Variants in PCDHGA8 observed in about 807,000 individuals in gnomAD.
The protein encoded by PCDHGA8 is protocadherin gamma-A8.
PCDHGA8 carries 45 observed loss-of-function variants against 59.2 expected under a neutral mutation model. The observed-to-expected ratio is 0.76, with a 90% CI of 0.60 to 0.98. PCDHGA8 has a LOEUF of 0.98. Among genes scored for constraint, PCDHGA8 ranks in the 50% least tolerant of loss-of-function variants. The probability of loss-of-function intolerance (pLI) is 0.00; values close to 1 mark genes in which losing one functional copy is unlikely to be tolerated. For synonymous variants in PCDHGA8, 531 were observed against 519.0 expected (o/e 1.02, Z -0.32); for missense variants, 1,257 against 1,196.2 (o/e 1.05, Z -0.75).
At chr5:141,409,531 T>C (rs2095279232) in intron 1 of PCDHGA8, 1 of 1,613,870 alleles carries the variant, frequency 6.2e-7, no homozygotes, top group Non-Finnish European at 8.5e-7. Context: ...TGTATGTCGC[T>C]GACATCAACG....
At chr5:141,408,623 G>C in intron 1 of PCDHGA8, 1 of 1,614,004 alleles carries the variant, frequency 6.2e-7, no homozygotes, top group Non-Finnish European at 8.5e-7. Flanking sequence ...AATACATTTA[G>C]AAATTTTCGA....
chr5:141,436,277 T>G (rs2097806022), intron 1 of PCDHGA8, among the ~76,000 whole-genome samples: 1 of 152,194 alleles, frequency 6.6e-6, no homozygotes, highest in Non-Finnish European at 1.5e-5. Flanking sequence ...TAACTTGATT[T>G]AGGAACAAAT....
At chr5:141,472,411 C>T (rs747412647) in intron 1 of PCDHGA8, among the ~76,000 whole-genome samples, 9 of 151,918 alleles carry the variant, frequency 5.9e-5, no homozygotes, top group Admixed American at 3.3e-4. Flanking sequence ...CGTGGTGGCA[C>T]GCACCTGTAT....
intron 1 of PCDHGA8, among the ~76,000 whole-genome samples, chr5:141,480,098 T>C (rs1415853757): frequency 6.6e-6 from 1 of 152,168 alleles, no homozygotes. Context: ...GTATGCAAAG[T>C]GTTTAGCATG....
Position 141,490,563 on chromosome 5 carries a change from G to C in PCDHGA8, c.2425-4244G>C. On this transcript the variant is annotated intron_variant, in intron 1 of 3. Coordinates refer to ENST00000398604, the MANE Select transcript of PCDHGA8 (RefSeq NM_032088.2). This position sits in a 1 kb window ranked among gnomAD's most constrained non-coding sequence, Gnocchi z 5.4. ...CCCTACACAAACATCTCACCATCAG[G>C]CTCAACATTTCAGATGTCAATGACA... 1 of 1,614,022 alleles carries C rather than the reference G, an allele frequency of 6.2e-7. No individual in the cohort carries two copies. Among genetic ancestry groups the C allele is most frequent in the Non-Finnish European group, 8.5e-7 (1 of 1,180,008 alleles).
At chr5:141,423,529 C>T in intron 1 of PCDHGA8, 1 of 1,613,754 alleles carries the variant, frequency 6.2e-7, no homozygotes, top group South Asian at 1.1e-5. Flanking sequence ...GCAGAAGAGT[C>T]ACCTGATTTT....
intron 1 of PCDHGA8, chr5:141,399,431 T>A (rs757950073): frequency 3.1e-6 from 5 of 1,613,970 alleles, no homozygotes; most frequent in Admixed American, 3.3e-5. Context: ...ATAAGCGTCA[T>A]CCTACATATC....
At chr5:141,467,728 C>A (rs2099150053) in intron 1 of PCDHGA8, among the ~76,000 whole-genome samples, 1 of 152,058 alleles carries the variant, frequency 6.6e-6, no homozygotes, top group Admixed American at 6.5e-5. Context: ...GTGGCACAAT[C>A]CCAGCTCGCT....
At chr5:141,398,980 G>T in intron 1 of PCDHGA8, 1 of 1,613,860 alleles carries the variant, frequency 6.2e-7, no homozygotes, top group Non-Finnish European at 8.5e-7. Context: ...CTACAGAACC[G>T]GGCAAATCTT....
At chr5:141,482,371 T>C (rs1191880709) in intron 1 of PCDHGA8, among the ~76,000 whole-genome samples, 2 of 152,100 alleles carry the variant, frequency 1.3e-5, no homozygotes, top group African/African-American at 2.4e-5. Flanking sequence ...AAGTAATGCA[T>C]ATAAAGTCCC....
At chr5:141,482,530 CAAAAAAAAA>C (rs3074545) in intron 1 of PCDHGA8, among the ~76,000 whole-genome samples, 16 of 76,560 alleles carry the variant, frequency 2.1e-4, no homozygotes, top group African/African-American at 7.7e-4. Context: ...GACAGACATG[CAAAAAAAAA>C]AAAAAAAAAA....
intron 1 of PCDHGA8, among the ~76,000 whole-genome samples, chr5:141,406,174 G>A (rs990967391): frequency 2.6e-5 from 4 of 151,264 alleles, no homozygotes; most frequent in African/African-American, 9.7e-5. Flanking sequence ...CTGGGCTTAT[G>A]CAATCCTCCC....
Position 141,417,943 on chromosome 5 carries a change from G to C in PCDHGA8, c.2424+22706G>C, listed in dbSNP as rs772925118. ...TGCTGCTGCCTTTGTTCTACCCCAC[G>C]CTGTGTGAGCCGATCCGCTACTCGA... is the stretch of plus-strand genomic sequence containing the variant. On this transcript the variant is annotated intron_variant, in intron 1 of 3. Coordinates refer to ENST00000398604, the MANE Select transcript of PCDHGA8 (RefSeq NM_032088.2). The C allele has an allele frequency of 4.1e-5, 66 of 1,613,160 alleles. 1 individual carries two copies. The highest frequency in any genetic ancestry group is 1.8e-4 in the East Asian group (8 of 44,850).
chr5:141,491,080 A>T lies in PCDHGA8; in HGVS notation c.2425-3727A>T. On this transcript the variant is annotated intron_variant, in intron 1 of 3. Transcript: ENST00000398604. This position sits in a 1 kb window ranked among gnomAD's most constrained non-coding sequence, Gnocchi z 6.9. ...CTCCTACTCACTGTTGCCACAGTCC[A>T]CAGCCCCAGGACTGTTCCTCGTGTC... The T allele has an allele frequency of 6.2e-7, 1 of 1,614,116 alleles. No individual in the cohort carries two copies. Among genetic ancestry groups the T allele is most frequent in the Non-Finnish European group, 8.5e-7 (1 of 1,179,994 alleles).
rs753872725 is a variant in PCDHGA8, at chr5:141,423,153, C to T, written c.2424+27916C>T. ...TGGACAGAGACGCGCTCAAGCAGAG[C>T]CTCGTGGTGGCCGTCCAGGACCACG... On this transcript the variant is annotated intron_variant, in intron 1 of 3. Transcript: ENST00000398604. The T allele has an allele frequency of 3.7e-6, 6 of 1,613,482 alleles. No homozygotes were observed. The East Asian group carries it at 8.9e-5, about 24-fold the overall frequency.
At chr5:141,451,077 C>T (rs1422196268) in intron 1 of PCDHGA8, among the ~76,000 whole-genome samples, 1 of 152,098 alleles carries the variant, frequency 6.6e-6, no homozygotes, top group Admixed American at 6.6e-5. Context: ...ATCCACCCAC[C>T]TTGACCTCCC....
intron 1 of PCDHGA8, among the ~76,000 whole-genome samples, chr5:141,424,979 T>G (rs565208060): frequency 1.4e-4 from 22 of 152,322 alleles, no homozygotes; most frequent in African/African-American, 4.6e-4. Flanking sequence ...CTTGGATATT[T>G]ATGTTCCCTT....
intron 1 of PCDHGA8, among the ~76,000 whole-genome samples, chr5:141,425,068 A>G (rs1484760901): frequency 6.6e-6 from 1 of 152,174 alleles, no homozygotes; most frequent in African/African-American, 2.4e-5. Context: ...GGACAAAAAT[A>G]ATTTCAACTG....
At chr5:141,499,323 GCTCT>G (rs1259902316) in intron 2 of PCDHGA8, among the ~76,000 whole-genome samples, 1 of 152,046 alleles carries the variant, frequency 6.6e-6, no homozygotes, top group East Asian at 1.9e-4. Context: ...CAGTATCCCT[GCTCT>G]CTCTCAGTTT....
Sources: allele counts gnomAD v4.1 joint callset (sites outside exome capture counted in the v4.1 genomes callset), GRCh38; gene constraint gnomAD v4.1.1; non-coding constraint Gnocchi (gnomAD v3.1); transcripts MANE v1.5; gene names NCBI Gene and HGNC (gene_info 2026-07-23, HGNC 2026-07-21).